Variants in CAMK2D observed in about 807,000 individuals in gnomAD.
CAMK2D encodes calcium/calmodulin dependent protein kinase II delta.
CAMK2D carries 37 observed loss-of-function variants against 84.0 expected under a neutral mutation model. The observed-to-expected ratio is 0.44, with a 90% CI of 0.34 to 0.58. CAMK2D has a LOEUF of 0.58. Among genes scored for constraint, CAMK2D ranks in the 20% least tolerant of loss-of-function variants. The pLI, the probability that CAMK2D is intolerant of heterozygous loss-of-function variation, is 0.02. For synonymous variants in CAMK2D, 202 were observed against 212.5 expected, an observed-to-expected ratio of 0.95 and a Z score of 0.43; for missense variants, 448 against 652.5, an observed-to-expected ratio of 0.69 and a Z score of 3.41.
chr4:113,742,632 TAA>T (rs1291934986), intron 2 of CAMK2D, among the ~76,000 whole-genome samples: 2 of 151,842 alleles, frequency 1.3e-5, no homozygotes, highest in African/African-American at 2.4e-5. Flanking sequence ...AAGCAAATTT[TAA>T]AAAGAGACAG....
intron 15 of CAMK2D, among the ~76,000 whole-genome samples, chr4:113,502,521 C>G (rs1313293368): frequency 7.5e-6 from 1 of 134,210 alleles, no homozygotes; most frequent in Non-Finnish European, 1.6e-5. Flanking sequence ...TAACACTAAA[C>G]AAAAAAAAAA....
At chr4:113,484,743 T>A (rs1290251470) in intron 16 of CAMK2D, among the ~76,000 whole-genome samples, 7 of 152,150 alleles carry the variant, frequency 4.6e-5, no homozygotes, top group Non-Finnish European at 1.0e-4. Flanking sequence ...GTTTTAAGGT[T>A]CTTTGGGGGC....
chr4:113,700,207 G>A (rs530752274), intron 2 of CAMK2D, among the ~76,000 whole-genome samples: 1 of 152,138 alleles, frequency 6.6e-6, no homozygotes, highest in Admixed American at 6.5e-5. Flanking sequence ...CCCCCAAGAA[G>A]GGTTATGGGT....
intron 2 of CAMK2D, among the ~76,000 whole-genome samples, chr4:113,667,108 T>C (rs1450448972): frequency 6.6e-6 from 1 of 152,206 alleles, no homozygotes; most frequent in Non-Finnish European, 1.5e-5. Flanking sequence ...CTACTCATTC[T>C]CAGAATAGGG....
At chr4:113,725,584 G>A (rs2099543559) in intron 2 of CAMK2D, among the ~76,000 whole-genome samples, 1 of 151,994 alleles carries the variant, frequency 6.6e-6, no homozygotes, top group Admixed American at 6.6e-5. Context: ...GATGCTAATA[G>A]GTTTAATCTG....
chr4:113,500,632 G>T (rs973865045), intron 15 of CAMK2D, 121 bp from the exon 16 acceptor site: 2 of 557,214 alleles, frequency 3.6e-6, no homozygotes, highest in Non-Finnish European at 6.4e-6. Context: ...TGCATATGCT[G>T]ACATGCAAAT....
chr4:113,552,486 T>C (rs2098636050), intron 4 of CAMK2D, among the ~76,000 whole-genome samples: 1 of 152,210 alleles, frequency 6.6e-6, no homozygotes. Context: ...CCATGTATCC[T>C]TTTGCTATTT....
intron 3 of CAMK2D, among the ~76,000 whole-genome samples, chr4:113,625,683 T>C (rs2099064877): frequency 6.6e-6 from 1 of 151,924 alleles, no homozygotes; most frequent in Non-Finnish European, 1.5e-5. Context: ...GGTGTGAGTA[T>C]GAGGGGTTAT....
At chr4:113,511,846 C>A (rs564051596) in intron 12 of CAMK2D, among the ~76,000 whole-genome samples, 3 of 152,178 alleles carry the variant, frequency 2.0e-5, no homozygotes, top group Non-Finnish European at 2.9e-5. Context: ...TTTTAACAGC[C>A]TTTGAAAGGC....
chr4:113,596,588 T>A (rs144856072), intron 4 of CAMK2D, among the ~76,000 whole-genome samples: 54 of 152,264 alleles, frequency 3.5e-4, no homozygotes, highest in African/African-American at 1.3e-3. Context: ...AAAACAACAA[T>A]CATCTCTTTG....
Position 113,531,294 on chromosome 4 carries a change from C to CT in CAMK2D, c.522_523insA (p.Ala175SerfsTer14). On this transcript the variant is annotated frameshift_variant, in exon 8 of 21. Coordinates refer to ENST00000511664, the MANE Select transcript of CAMK2D (RefSeq NM_001321571.2). LOFTEE classifies it high-confidence loss of function. ...GGAGAAAGATATCCAGGTGTGCCAG[C>CT]AAAACCTAGGGAAAAGAGATGTTAA... The CT allele has an allele frequency of 6.3e-7, 1 of 1,576,076 alleles. No homozygotes were observed. Among genetic ancestry groups the CT allele is most frequent in the Non-Finnish European group, 8.7e-7 (1 of 1,145,656 alleles).
rs539642200 is a variant in CAMK2D, at chr4:113,481,283, T to C, written c.1136-15679A>G. On this transcript the variant is annotated intron_variant, in intron 16 of 20. Transcript: ENST00000511664. ...AATTAAATATTTATTATTCCCACTA[T>C]TGCCCAACACTATTCTAGATACTAT... Among the ~76,000 whole-genome samples the C allele has an allele frequency of 2.0e-5, 3 of 152,264 alleles. No individual in the cohort carries two copies. The South Asian group carries it at 6.2e-4, about 32-fold the overall frequency.
intron 4 of CAMK2D, among the ~76,000 whole-genome samples, chr4:113,562,352 C>A (rs1372265206): frequency 1.3e-5 from 2 of 152,158 alleles, no homozygotes; most frequent in African/African-American, 2.4e-5. Flanking sequence ...TATTTATACT[C>A]ATTTTCTAAG....
rs572717948 is a variant in CAMK2D at position 113,491,626 on chromosome 4, T to A, written c.1135+8837A>T. Reference sequence around the variant, plus strand: ...TCTCTTTTTTTGTTGTGTCTCTGCCTGGCTTTGGTATCAGAATGATGTTGG... The same window carrying A: ...TCTCTTTTTTTGTTGTGTCTCTGCCAGGCTTTGGTATCAGAATGATGTTGG... On this transcript the variant is annotated intron_variant, in intron 16 of 20. Transcript: ENST00000511664. 9.3e-4 allele frequency among the ~76,000 whole-genome samples: 141 copies of A among 152,302 alleles called. 1 individual carries two copies. The highest frequency in any genetic ancestry group is 3.3e-3 in the African/African-American group (138 of 41,562).
At chr4:113,633,277 A>G (rs1309363560) in intron 3 of CAMK2D, among the ~76,000 whole-genome samples, 1 of 152,200 alleles carries the variant, frequency 6.6e-6, no homozygotes, top group African/African-American at 2.4e-5. Flanking sequence ...CACTGCAGGT[A>G]ATTTTTGGTT....
chr4:113,704,091 T>C (rs1187539676), intron 2 of CAMK2D, among the ~76,000 whole-genome samples: 3 of 152,096 alleles, frequency 2.0e-5, no homozygotes, highest in Admixed American at 2.0e-4. Context: ...AGTATTATTC[T>C]TAAAAAGAAT....
chr4:113,726,169 A>C (rs2099545069), intron 2 of CAMK2D, among the ~76,000 whole-genome samples: 2 of 152,170 alleles, frequency 1.3e-5, no homozygotes, highest in South Asian at 4.1e-4. Flanking sequence ...TCTGAGGTAC[A>C]TATTATATTA....
intron 3 of CAMK2D, among the ~76,000 whole-genome samples, chr4:113,612,070 T>C (rs62315055): frequency 0.27 from 40,348 of 152,034 alleles, 5,537 homozygotes; most frequent in East Asian, 0.33. Context: ...TATAAGAAAT[T>C]GTCATGATTT....
At chr4:113,634,139 CTGT>C (rs1044600635) in intron 3 of CAMK2D, among the ~76,000 whole-genome samples, 1 of 152,222 alleles carries the variant, frequency 6.6e-6, no homozygotes, top group Non-Finnish European at 1.5e-5. Context: ...ACCTTCCAGG[CTGT>C]TGTTCACAAA....
Sources: allele counts gnomAD v4.1 joint callset (sites outside exome capture counted in the v4.1 genomes callset), GRCh38; gene constraint gnomAD v4.1.1; transcripts MANE v1.5; gene names NCBI Gene and HGNC (gene_info 2026-07-23, HGNC 2026-07-21).